The following IPO4 variants were observed in gnomAD, a reference collection of about 807,000 sequenced individuals.
IPO4 encodes the protein importin-4.
A neutral mutation model predicts 133.5 loss-of-function variants in IPO4; 91 were observed. That is an observed-to-expected ratio of 0.68 (90% CI 0.58 to 0.81). The LOEUF is 0.81. IPO4 is among the 30% of genes least tolerant of loss of function. The pLI is 0.00. For missense variants in IPO4, 1,279 were observed against 1,386.2 expected (o/e 0.92, Z 1.23); for synonymous variants, 607 against 581.6 (o/e 1.04, Z -0.63).
chr14:24,188,049 C>T, intron 4 of IPO4, 167 bp downstream of exon 4: 1 of 806,572 alleles, frequency 1.2e-6, no homozygotes. Flanking sequence ...AGATCATCAT[C>T]ACCCTTCCTC....
rs1031325737 is a variant in IPO4, at chr14:24,182,171, G to A, written c.2599-8C>T. 5.6e-6 allele frequency: 9 copies of A among 1,614,076 alleles called. No individual in the cohort carries two copies. The highest frequency in any genetic ancestry group is 1.1e-5 in the South Asian group (1 of 91,084). On this transcript the variant is annotated splice_polypyrimidine_tract_variant and splice_region_variant and intron_variant, in intron 25 of 29. Transcript: ENST00000354464. ...CACTGTGCAGCCCTGTTTCTGATGG[G>A]GGAGAACAGGAAGGAGTACAGATCA...
At position 24,186,338 on chromosome 14, in the gene IPO4, T is replaced by C. The variant is rs772175426; in HGVS notation, c.954A>G (p.Glu318=). 6.2e-6 allele frequency: 10 copies of C among 1,612,892 alleles called. No homozygotes were observed. Among genetic ancestry groups the C allele is most frequent in the Admixed American group, 1.7e-5 (1 of 59,892 alleles). The change falls in exon 10 of 30, where the codon GAA becomes GAG. Residue 318 remains glutamate, a synonymous_variant. Transcript: ENST00000354464. ...CCCCCATCAGCTCAATCTCCAACTC[T>C]TCCTCTTCTGAATCCTGGTCCTCGG... ...LDPEDQDSEE[E]ELEIELMGET...
intron 28 of IPO4, 31 bp downstream of exon 28, chr14:24,181,482 C>G (rs2039135186): frequency 1.3e-6 from 2 of 1,535,884 alleles, no homozygotes; most frequent in African/African-American, 2.7e-5. Flanking sequence ...GCGGCACGTT[C>G]CCCTCTGAGG....
At chr14:24,185,735 A>C (rs2039210618) in intron 12 of IPO4, 126 bp downstream of exon 12, 1 of 948,960 alleles carries the variant, frequency 1.1e-6, no homozygotes, top group African/African-American at 1.6e-5. Context: ...TTATCTTCCA[A>C]GCCAGGACAC....
In IPO4 at chr14:24,184,974, T is replaced by C; in HGVS notation, c.1415A>G (p.Lys472Arg). The C allele has an allele frequency of 1.2e-6, 2 of 1,613,466 alleles. No homozygotes were observed. Among genetic ancestry groups the C allele is most frequent in the Non-Finnish European group, 1.7e-6 (2 of 1,179,742 alleles). The change falls in exon 15 of 30, where the codon AAG becomes AGG. Residue 472 changes from lysine to arginine, a missense_variant. By Grantham distance (26) the Lys-to-Arg change is conservative. This residue lies in a region of IPO4 where 695 missense variants were observed against 704.1 expected (regional missense o/e 0.99). Coordinates refer to ENST00000354464, the MANE Select transcript of IPO4 (RefSeq NM_024658.4). ...AAGCTCCGGAAGGTAGGGCTGCACC[T>C]TGGGCCCTGTGGGAAAGGATGCTCC... ...LENFVENLGP[K>R]VQPYLPELME...
chr14:24,187,217 C>A, intron 6 of IPO4, 67 bp from the exon 7 acceptor site: 1 of 1,569,746 alleles, frequency 6.4e-7, no homozygotes, highest in South Asian at 1.1e-5. Context: ...GCAGCTTCCT[C>A]ACAGCCTGAA....
At chr14:24,186,262 C>T (rs771160483) in intron 10 of IPO4, 25 bp downstream of exon 10, 1 of 1,602,814 alleles carries the variant, frequency 6.2e-7, no homozygotes, top group Non-Finnish European at 8.5e-7. Flanking sequence ...AACACCTTCC[C>T]CCTCTGTCCT....
chr14:24,185,862 T>C lies in IPO4; in HGVS notation c.1168A>G (p.Arg390Gly). The C allele has an allele frequency of 6.2e-7, 1 of 1,612,092 alleles. No homozygotes were observed. The highest frequency in any genetic ancestry group is 8.5e-7 in the Non-Finnish European group (1 of 1,178,666). Residue 390 changes from arginine to glycine, a missense_variant and splice_region_variant, in exon 12 of 30, where the codon AGA becomes GGA. Arg to Gly is a moderately radical substitution (Grantham distance 125). Around this residue, in one of 3 missense-constraint regions of IPO4, gnomAD observed 695 missense variants for 704.1 expected, o/e 0.99. Coordinates refer to ENST00000354464, the MANE Select transcript of IPO4 (RefSeq NM_024658.4). The part of the protein sequence containing the change: ...SDGAGDHIRQ[R>G]LLPPLLQIVC... ...ACCCTGGGACAGGGGAATACATACC[T>C]CTGCCTGATGTGGTCGCCAGCTCCG...
chr14:24,188,050 AC>A, intron 4 of IPO4, 165 bp downstream of exon 4: 1 of 808,314 alleles, frequency 1.2e-6, no homozygotes, highest in South Asian at 1.7e-5. Flanking sequence ...GATCATCATC[AC>A]CCTTCCTCAA....
rs2039211280 is a variant in IPO4, at chr14:24,185,785, GAAC to G, written c.1169+73_1169+75del. The G allele has an allele frequency of 4.2e-6, 5 of 1,193,512 alleles. No homozygotes were observed. The Admixed American group carries it at 8.7e-5, about 21-fold the overall frequency. 73.9% of individuals were successfully genotyped at this position (1,193,512 alleles called of 1,614,324 possible). ...GGAAACGCTGTTGATAAATAAGCTT[GAAC>G]AACAAGCGTAAACCAGGACAGCCAT... On this transcript the variant is annotated intron_variant, in intron 12 of 29. Transcript: ENST00000354464.
At position 24,184,404 on chromosome 14, in the gene IPO4, G is replaced by A; in HGVS notation, c.1651C>T (p.Leu551=). Residue 551 remains leucine, a synonymous_variant, in exon 17 of 30, where the codon CTG becomes TTG. Coordinates refer to ENST00000354464, the MANE Select transcript of IPO4 (RefSeq NM_024658.4). ...ATGGGCTCCCCCACTGCTCGTGCCA[G>A]CACCCCCAGTGTCTCTGTGGGGGCA... is the stretch of plus-strand genomic sequence containing the variant. The part of the protein sequence containing the change: ...QIQSLETLGV[L]ARAVGEPMRP... The A allele has an allele frequency of 6.2e-7, 1 of 1,609,926 alleles. No individual in the cohort carries two copies. Among genetic ancestry groups the A allele is most frequent in the South Asian group, 1.1e-5 (1 of 90,246 alleles).
At chr14:24,180,822 A>T in intron 28 of IPO4, 64 bp from the exon 29 acceptor site, 14 of 1,436,226 alleles carry the variant, frequency 9.7e-6, no homozygotes, top group African/African-American at 7.0e-5. Flanking sequence ...GAGGGTGGTC[A>T]GGACCAAGGA....
intron 25 of IPO4, 39 bp downstream of exon 25, chr14:24,182,239 G>T (rs769720742): frequency 6.2e-7 from 1 of 1,613,794 alleles, no homozygotes; most frequent in Non-Finnish European, 8.5e-7. Flanking sequence ...CCGGGTGCAC[G>T]AGGGGACTAG....
Position 24,180,588 on chromosome 14 carries a change from G to A in IPO4, c.3116-16C>T. Reference sequence around the variant, plus strand: ...GCCTTGGTGTCTGGGTGGAGAGGGAGGGAGAAAGGTCGGGGCTCCTAAAGC... The same window carrying A: ...GCCTTGGTGTCTGGGTGGAGAGGGAAGGAGAAAGGTCGGGGCTCCTAAAGC... On this transcript the variant is annotated splice_polypyrimidine_tract_variant and intron_variant, in intron 29 of 29. Coordinates refer to ENST00000354464, the MANE Select transcript of IPO4 (RefSeq NM_024658.4). 1 of 1,612,892 alleles carries A rather than the reference G, an allele frequency of 6.2e-7. No homozygotes were observed. The highest frequency in any genetic ancestry group is 8.5e-7 in the Non-Finnish European group (1 of 1,178,978).
chr14:24,182,549 AC>A, intron 24 of IPO4, 146 bp from the exon 25 acceptor site: 1 of 1,189,564 alleles, frequency 8.4e-7, no homozygotes, highest in Non-Finnish European at 1.2e-6. Context: ...TGTTTCCATG[AC>A]CCAGCTTCTT....
intron 18 of IPO4, 36 bp downstream of exon 18, chr14:24,183,962 G>A: frequency 6.2e-7 from 1 of 1,610,516 alleles, no homozygotes; most frequent in Non-Finnish European, 8.5e-7. Flanking sequence ...CCCATTGCAG[G>A]GCAGGCCTGG....
Position 24,188,761 on chromosome 14 carries a change from G to A in IPO4, c.27C>T (p.Leu9=), listed in dbSNP as rs776960713. ...TGTCCGGTAGCAGCAGCTCCCGTAG[G>A]AGCTGCTCTAGCCCGGCTGACTCCA... MESAGLEQ[L]LRELLLPDTE... Residue 9 remains leucine, a synonymous_variant, in exon 1 of 30, where the codon CTC becomes CTT. Transcript: ENST00000354464. 3.3e-6 allele frequency: 5 copies of A among 1,530,502 alleles called. No individual in the cohort carries two copies. The highest frequency in any genetic ancestry group is 4.4e-6 in the Non-Finnish European group (5 of 1,140,232). The allele number at this position is 1,530,502 out of a possible 1,614,324, so 94.8% of individuals were successfully genotyped here. A position where few individuals can be genotyped will look rare whatever the true frequency, so the allele number is the denominator to read the frequency against.
Position 24,184,443 on chromosome 14 carries a change from C to T in IPO4, c.1637-25G>A, listed in dbSNP as rs141068261. 106 of 1,597,204 alleles carry T rather than the reference C, an allele frequency of 6.6e-5. 2 individuals are homozygous for T. In the East Asian group the frequency reaches 2.2e-3, roughly 34 times the overall value. Reference sequence around the variant, plus strand: ...TCTGTGGGGGCAAGGGCTCCATTAGCACCAGGAGGTGGAGGTGGGCTACGG... The same window carrying T: ...TCTGTGGGGGCAAGGGCTCCATTAGTACCAGGAGGTGGAGGTGGGCTACGG... On this transcript the variant is annotated intron_variant, in intron 16 of 29. Transcript: ENST00000354464.
intron 26 of IPO4, 23 bp from the exon 27 acceptor site, chr14:24,181,866 C>T (rs762125166): frequency 1.2e-6 from 2 of 1,600,280 alleles, no homozygotes; most frequent in African/African-American, 2.7e-5. Context: ...CAAGGAATGG[C>T]CACACGCTCA....
Sources: gnomAD v4.1 joint callset for allele counts on GRCh38, gnomAD v4.1.1 for gene constraint, gnomAD v4.1.1 regional missense constraint, MANE v1.5 for transcripts, NCBI Gene and HGNC (gene_info 2026-07-23, HGNC 2026-07-21) for gene names.